The following TEAD2 variants were observed in gnomAD, a reference collection of about 807,000 sequenced individuals.
TEAD2 encodes the protein TEA domain transcription factor 2.
Under a neutral mutation model 61.4 loss-of-function variants are expected in TEAD2, and 51 were observed. The ratio of observed to expected loss-of-function variants is 0.83; its 90% CI spans 0.66 to 1.05. The LOEUF (loss-of-function observed/expected upper bound fraction) is 1.05. Among genes scored for constraint, TEAD2 ranks in the 50% least tolerant of loss-of-function variants. TEAD2 has a pLI of 0.00. For missense variants in TEAD2, 509 were observed against 600.0 expected, an observed-to-expected ratio of 0.85 and a Z score of 1.58; for synonymous variants, 244 against 243.2, an observed-to-expected ratio of 1.00 and a Z score of -0.03.
At chr19:49,348,127 A>G (rs1219985680) in intron 9 of TEAD2, among the ~76,000 whole-genome samples, 2 of 152,052 alleles carry the variant, frequency 1.3e-5, no homozygotes, top group East Asian at 3.9e-4. Flanking sequence ...AGCCTTAGAA[A>G]ATGGCAGAGC....
At position 49,343,892 on chromosome 19, in the gene TEAD2, G is replaced by A. The variant is rs1390580768; in HGVS notation, c.922-494C>T. Among the ~76,000 whole-genome samples the A allele has an allele frequency of 2.1e-5, 3 of 145,370 alleles. No individual in the cohort carries two copies. The South Asian group carries it at 6.6e-4, about 32-fold the overall frequency. On this transcript the variant is annotated intron_variant, in intron 10 of 12. Transcript: ENST00000593945. ...AACAGGGTCTTGCTCCGTCACCCAG[G>A]CAATGTGTGGTGGTACAATCACAGC...
intron 10 of TEAD2, 57 bp from the exon 11 acceptor site, chr19:49,343,455 G>GACT: frequency 6.5e-7 from 1 of 1,529,542 alleles, no homozygotes; most frequent in Non-Finnish European, 8.7e-7. Context: ...AAACAGTGGG[G>GACT]ACTACCAGGC....
At chr19:49,349,860 G>C (rs1971898756) in intron 8 of TEAD2, among the ~76,000 whole-genome samples, 1 of 152,144 alleles carries the variant, frequency 6.6e-6, no homozygotes, top group Non-Finnish European at 1.5e-5. Context: ...CCCTGGAGTT[G>C]CAACAGCCAT....
chr19:49,353,755 C>G (rs1051999193), intron 7 of TEAD2, among the ~76,000 whole-genome samples: 1 of 151,166 alleles, frequency 6.6e-6, no homozygotes, highest in African/African-American at 2.4e-5. Flanking sequence ...CTCTTCCAGT[C>G]TAGATCCCAC....
rs1972460211 is a variant in TEAD2, at chr19:49,357,159, C to A, written c.360+93G>T. On this transcript the variant is annotated intron_variant, in intron 4 of 12. Transcript: ENST00000593945. ...CCTCCCCGCTCTAAGTCTCTGTCCC[C>A]CTCTCCCTGGGTCTCTGTCCCTCTC... is the stretch of plus-strand genomic sequence containing the variant. The A allele has an allele frequency of 4.6e-6, 6 of 1,297,128 alleles. No homozygotes were observed. In the East Asian group the frequency reaches 1.2e-4, roughly 27 times the overall value. 80.4% of individuals were successfully genotyped at this position (1,297,128 alleles called of 1,614,324 possible).
intron 4 of TEAD2, among the ~76,000 whole-genome samples, chr19:49,356,704 A>G (rs542917608): frequency 4.6e-4 from 70 of 152,176 alleles, no homozygotes; most frequent in African/African-American, 1.7e-3. Context: ...GAGCAGAGGG[A>G]AGGGAGGGGG....
chr19:49,351,495 T>C (rs1600739852), intron 7 of TEAD2, 130 bp from the exon 8 acceptor site: 1 of 792,158 alleles, frequency 1.3e-6, no homozygotes. Flanking sequence ...AGCCTCACAG[T>C]GCGTGAGGTA....
chr19:49,355,832 G>C lies in TEAD2; in HGVS notation c.372+127C>G. 5.6e-6 allele frequency: 5 copies of C among 885,372 alleles called. No individual in the cohort carries two copies. In the South Asian group the frequency reaches 1.6e-4, roughly 29 times the overall value. The allele number at this position is 885,372 out of a possible 1,614,324, so 54.8% of individuals were successfully genotyped here. A position where few individuals can be genotyped will look rare whatever the true frequency, so the allele number is the denominator to read the frequency against. On this transcript the variant is annotated intron_variant, in intron 5 of 12. Coordinates refer to ENST00000593945, the MANE Select transcript of TEAD2 (RefSeq NM_001256660.2). Reference sequence around the variant, plus strand: ...CAGAGCAAGACCCTGTCTCCAAAAAGAAAAAAAAAGGCAAAGGCTTGGGTT... The same window carrying C: ...CAGAGCAAGACCCTGTCTCCAAAAACAAAAAAAAAGGCAAAGGCTTGGGTT...
chr19:49,344,129 G>A (rs1433773596), intron 10 of TEAD2, among the ~76,000 whole-genome samples: 3 of 151,862 alleles, frequency 2.0e-5, no homozygotes, highest in Non-Finnish European at 4.4e-5. Flanking sequence ...TTACAGGCAT[G>A]AGCCACCGCG....
intron 10 of TEAD2, among the ~76,000 whole-genome samples, chr19:49,343,866 G>A (rs1382504974): frequency 1.6e-5 from 2 of 127,616 alleles, no homozygotes; most frequent in Non-Finnish European, 3.5e-5. Flanking sequence ...GGGGGGGGGG[G>A]AACAGGGTCT....
chr19:49,351,305 G>A lies in TEAD2; in HGVS notation c.600C>T (p.Leu200=). The A allele has an allele frequency of 6.2e-7, 1 of 1,611,722 alleles. No individual in the cohort carries two copies. Among genetic ancestry groups the A allele is most frequent in the East Asian group, 2.2e-5 (1 of 44,838 alleles). The change falls in exon 8 of 13, where the codon CTC becomes CTT. Residue 200 remains leucine (L), a synonymous_variant. Coordinates refer to ENST00000593945, the MANE Select transcript of TEAD2 (RefSeq NM_001256660.2). ...TLSLTPPSTD[L]PGYEPPQALS... ...GGGTGGAGCGCAGGCTCTTACCTGG[G>A]AGGTCAGTAGATGGGGGAGTCAGTG...
rs977264545 is a variant in TEAD2 at position 49,351,514 on chromosome 19, G to A, written c.540-149C>T. On this transcript the variant is annotated intron_variant, in intron 7 of 12. Coordinates refer to ENST00000593945, the MANE Select transcript of TEAD2 (RefSeq NM_001256660.2). The stretch of plus-strand genomic sequence containing the variant: ...TCACAGTGCGTGAGGTAGGTAGAAT[G>A]ACTGCTCTTTTCATTGCACAAATGA... The A allele has an allele frequency of 1.5e-5, 11 of 711,030 alleles. No homozygotes were observed. The African/African-American group carries it at 1.8e-4, about 12-fold the overall frequency. The allele number at this position is 711,030 out of a possible 1,614,324, so 44.0% of individuals were successfully genotyped here. A position where few individuals can be genotyped will look rare whatever the true frequency, so the allele number is the denominator to read the frequency against.
At chr19:49,346,558 G>A (rs1971654844) in intron 10 of TEAD2, among the ~76,000 whole-genome samples, 1 of 152,150 alleles carries the variant, frequency 6.6e-6, no homozygotes. Flanking sequence ...TGGGGAGGCT[G>A]AGGCAGGAGA....
chr19:49,352,719 T>A (rs577035405), intron 7 of TEAD2, among the ~76,000 whole-genome samples: 29 of 152,276 alleles, frequency 1.9e-4, no homozygotes, highest in African/African-American at 6.7e-4. Flanking sequence ...TGTATTTTTT[T>A]AGTAGAGACG....
chr19:49,347,118 C>T, intron 10 of TEAD2, 72 bp downstream of exon 10: 3 of 1,575,318 alleles, frequency 1.9e-6, no homozygotes, highest in Non-Finnish European at 2.6e-6. Context: ...GACAGATTCT[C>T]TCAGGGCCAG....
At chr19:49,349,039 C>G in intron 8 of TEAD2, 194 bp from the exon 9 acceptor site, 1 of 565,974 alleles carries the variant, frequency 1.8e-6, no homozygotes, top group Non-Finnish European at 2.7e-6. Flanking sequence ...TGCTGGGGGG[C>G]TTCTGGGAAG....
rs775244653 is a variant in TEAD2, at chr19:49,342,464, C to T, written c.1216G>A (p.Val406Ile). 1.1e-5 allele frequency: 17 copies of T among 1,613,864 alleles called. No individual in the cohort carries two copies. The highest frequency in any genetic ancestry group is 8.8e-5 in the South Asian group (8 of 91,088). ...TGGAGGATGGTGAAGTTTTCCAGGA[C>T]GCTGTTCATCATGTATCGCTCAGGC... ...QLPERYMMNSVLENFTILQVV... is the reference protein window; with the variant it reads ...QLPERYMMNSILENFTILQVV... The change falls in exon 12 of 13, where the codon GTC becomes ATC. Residue 406 changes from valine (V) to isoleucine (I), a missense_variant. Coordinates refer to ENST00000593945, the MANE Select transcript of TEAD2 (RefSeq NM_001256660.2).
At chr19:49,353,080 A>G (rs909024818) in intron 7 of TEAD2, among the ~76,000 whole-genome samples, 1 of 151,732 alleles carries the variant, frequency 6.6e-6, no homozygotes, top group African/African-American at 2.4e-5. Context: ...GTGTCTGCCT[A>G]ATATATTCCC....
intron 1 of TEAD2, chr19:49,360,575 GGGTTTTAAA>G (rs1568584333): frequency 6.4e-6 from 1 of 156,146 alleles, no homozygotes; most frequent in Non-Finnish European, 1.4e-5. Flanking sequence ...TATGAATTAC[GGGTTTTAAA>G]GAAGACAGGA....
Sources: allele counts gnomAD v4.1 joint callset (sites outside exome capture counted in the v4.1 genomes callset), GRCh38; gene constraint gnomAD v4.1.1; transcripts MANE v1.5; gene names NCBI Gene and HGNC (gene_info 2026-07-23, HGNC 2026-07-21).